TACR1: variants seen among roughly 807,000 people sequenced by gnomAD.
The protein encoded by TACR1 is tachykinin receptor 1.
In TACR1, 25 loss-of-function variants were observed where a neutral mutation model predicts 35.8. The observed-to-expected ratio is 0.70, with a 90% confidence interval of 0.51 to 0.98. The LOEUF is 0.98. Among genes scored for constraint, TACR1 ranks in the 50% least tolerant of loss-of-function variants. TACR1 has a pLI of 0.00. For missense variants in TACR1, 478 were observed against 522.9 expected (o/e 0.91, Z 0.84); for synonymous variants, 195 against 206.7 (o/e 0.94, Z 0.48).
At chr2:75,101,657 GA>G (rs1017321791) in intron 2 of TACR1, among the ~76,000 whole-genome samples, 3 of 152,042 alleles carry the variant, frequency 2.0e-5, no homozygotes, top group Admixed American at 1.3e-4. Flanking sequence ...TTTGGCAATT[GA>G]AAATAAAGGC....
chr2:75,132,012 A>G (rs12620198), intron 1 of TACR1, among the ~76,000 whole-genome samples: 5,658 of 152,312 alleles, frequency 0.037, 286 homozygotes, highest in East Asian at 0.26. Context: ...TTTCTATAAA[A>G]GCCAGAGACA....
At chr2:75,167,345 G>C (rs1389483352) in intron 1 of TACR1, among the ~76,000 whole-genome samples, 3 of 152,192 alleles carry the variant, frequency 2.0e-5, no homozygotes, top group African/African-American at 4.8e-5. Context: ...GAAACAGAGA[G>C]TAGCATGGTG....
chr2:75,091,447 G>A (rs62148942), intron 2 of TACR1, among the ~76,000 whole-genome samples: 24,830 of 151,978 alleles, frequency 0.16, 2,520 homozygotes, highest in East Asian at 0.3. Context: ...CAAGGGCCTG[G>A]TAGACCCTTC....
chr2:75,167,300 A>G (rs1166634215), intron 1 of TACR1, among the ~76,000 whole-genome samples: 1 of 152,230 alleles, frequency 6.6e-6, no homozygotes, highest in Non-Finnish European at 1.5e-5. Context: ...AAGTTCACAT[A>G]GGAAAATAAA....
At chr2:75,120,315 T>TA (rs1673942703) in intron 2 of TACR1, among the ~76,000 whole-genome samples, 1 of 152,136 alleles carries the variant, frequency 6.6e-6, no homozygotes, top group Admixed American at 6.5e-5. Context: ...GCCCGAGGGA[T>TA]ATGGCTCTGC....
chr2:75,175,400 T>C (rs1241275372), intron 1 of TACR1, among the ~76,000 whole-genome samples: 3 of 152,246 alleles, frequency 2.0e-5, no homozygotes, highest in African/African-American at 7.2e-5. Flanking sequence ...ATAGTTCCTA[T>C]TGCTGCTCAA....
rs78869449 is a variant in TACR1 at position 75,053,739 on chromosome 2, T to C, written c.601A>G (p.Thr201Ala). 8 of 1,614,096 alleles carry C rather than the reference T, an allele frequency of 5.0e-6. No homozygotes were observed. In the Admixed American group the frequency reaches 1.3e-4, roughly 27 times the overall value. The change falls in exon 3 of 5, where the codon ACT becomes GCT. Residue 201 changes from threonine to alanine, a missense_variant. By Grantham distance (58) the Thr-to-Ala change is moderately conservative (BLOSUM62 0). Transcript: ENST00000305249. The stretch of plus-strand genomic sequence containing the variant: ...AGGGGGAGGAAGTAGATCAGCACAG[T>C]CACACAGATGTGGTACCTACAGCAA... Reference protein sequence around the residue: ...IYEKVYHICVTVLIYFLPLLV... With the variant: ...IYEKVYHICVAVLIYFLPLLV...
intron 1 of TACR1, among the ~76,000 whole-genome samples, chr2:75,197,302 G>A (rs1026232698): frequency 6.6e-6 from 1 of 152,148 alleles, no homozygotes; most frequent in Non-Finnish European, 1.5e-5. Flanking sequence ...ATTGACTACA[G>A]GAGCTAAAAA....
chr2:75,190,612 T>C (rs1675820445), intron 1 of TACR1, among the ~76,000 whole-genome samples: 1 of 152,230 alleles, frequency 6.6e-6, no homozygotes, highest in Non-Finnish European at 1.5e-5. Context: ...GGTATTTTAG[T>C]GGTATTTAGT....
chr2:75,151,641 A>T (rs1009737303), intron 1 of TACR1, among the ~76,000 whole-genome samples: 2 of 152,194 alleles, frequency 1.3e-5, no homozygotes, highest in Non-Finnish European at 2.9e-5. Flanking sequence ...GGCAGTGTGG[A>T]AGGGAAATGT....
chr2:75,131,504 G>A (rs1674178004), intron 1 of TACR1, among the ~76,000 whole-genome samples: 1 of 152,156 alleles, frequency 6.6e-6, no homozygotes, highest in Admixed American at 6.5e-5. Flanking sequence ...CAGCAGTGAA[G>A]ATTAATTTGT....
At chr2:75,108,304 T>C (rs1673689486) in intron 2 of TACR1, among the ~76,000 whole-genome samples, 2 of 152,138 alleles carry the variant, frequency 1.3e-5, no homozygotes, top group South Asian at 4.1e-4. Context: ...AAGCATAACT[T>C]ACCATGACCA....
chr2:75,129,189 A>G (rs2103925482), intron 1 of TACR1, among the ~76,000 whole-genome samples: 1 of 152,332 alleles, frequency 6.6e-6, no homozygotes, highest in Admixed American at 6.5e-5. Flanking sequence ...TTTAGTGGAA[A>G]CTCAATAATG....
intron 1 of TACR1, among the ~76,000 whole-genome samples, chr2:75,126,115 C>T (rs1465892554): frequency 6.6e-6 from 1 of 152,136 alleles, no homozygotes; most frequent in Non-Finnish European, 1.5e-5. Flanking sequence ...CTGTTTCCTT[C>T]TTTGTGTTCA....
chr2:75,196,783 T>C lies in TACR1; in HGVS notation c.389+1763A>G, dbSNP rs1676005752. ...ACTGAATGCTCCAGCTCACACTGAC[T>C]GACAGGTCTTCCTAGAGCTTGTGCA... is the stretch of plus-strand genomic sequence containing the variant. On this transcript the variant is annotated intron_variant, in intron 1 of 4. Transcript: ENST00000305249. 2.6e-5 allele frequency among the ~76,000 whole-genome samples: 4 copies of C among 152,164 alleles called. 1 individual carries two copies. In the South Asian group the frequency reaches 8.3e-4, roughly 32 times the overall value.
intron 2 of TACR1, among the ~76,000 whole-genome samples, chr2:75,075,327 A>C (rs976103199): frequency 1.3e-5 from 2 of 152,222 alleles, no homozygotes; most frequent in African/African-American, 4.8e-5. Flanking sequence ...GTGGGTGTGT[A>C]AATTCGTGCA....
chr2:75,167,197 G>C (rs1475987983), intron 1 of TACR1, among the ~76,000 whole-genome samples: 1 of 152,134 alleles, frequency 6.6e-6, no homozygotes, highest in Admixed American at 6.5e-5. Flanking sequence ...ATAATTGAAA[G>C]GAAATTAATT....
At chr2:75,109,069 G>A (rs1304874659) in intron 2 of TACR1, among the ~76,000 whole-genome samples, 3 of 152,142 alleles carry the variant, frequency 2.0e-5, no homozygotes, top group African/African-American at 7.2e-5. Context: ...AACCTGTTTG[G>A]GAAAACAATT....
At position 75,172,802 on chromosome 2, in the gene TACR1, C is replaced by T. The variant is rs927517327; in HGVS notation, c.389+25744G>A. On this transcript the variant is annotated intron_variant, in intron 1 of 4. Transcript: ENST00000305249. ...TAGAAGTCCAAGGTCCAGAAATTGG[C>T]AGAGTTGGTTCCTTCAGAGGGTTAT... 6.6e-5 allele frequency among the ~76,000 whole-genome samples: 10 copies of T among 152,096 alleles called. No homozygotes were observed. In the South Asian group the frequency reaches 1.5e-3, roughly 22 times the overall value.
Sources: gnomAD v4.1 joint callset for allele counts (sites outside exome capture counted in the v4.1 genomes callset) on GRCh38, gnomAD v4.1.1 for gene constraint, MANE v1.5 for transcripts, NCBI Gene and HGNC (gene_info 2026-07-23, HGNC 2026-07-21) for gene names.